The following WWOX variants were observed in gnomAD, a reference collection of about 807,000 sequenced individuals.
WWOX encodes the protein WW domain containing oxidoreductase, also known as WW domain-containing oxidoreductase.
WWOX carries 69 observed loss-of-function variants against 46.2 expected under a neutral mutation model. That is an observed-to-expected ratio of 1.49 (90% CI 1.23 to 1.82). The LOEUF (loss-of-function observed/expected upper bound fraction) is 1.82. WWOX is among the 40% of genes most tolerant of loss of function. The pLI is 0.00. For synonymous variants in WWOX, 359 were observed against 202.6 expected, an observed-to-expected ratio of 1.77 and a Z score of -6.56; for missense variants, 919 against 542.6, an observed-to-expected ratio of 1.69 and a Z score of -6.89.
intron 8 of WWOX, among the ~76,000 whole-genome samples, chr16:78,802,649 C>T (rs146446273): frequency 6.6e-6 from 1 of 151,874 alleles, no homozygotes; most frequent in Non-Finnish European, 1.5e-5. Flanking sequence ...GCCACCGTGC[C>T]TCATGCCTGT....
At chr16:78,328,590 T>A (rs1379802638) in intron 5 of WWOX, among the ~76,000 whole-genome samples, 1 of 152,272 alleles carries the variant, frequency 6.6e-6, no homozygotes, top group East Asian at 1.9e-4. Flanking sequence ...CAAAGGAGAA[T>A]AAGATAAATA....
intron 8 of WWOX, among the ~76,000 whole-genome samples, chr16:78,788,254 T>G (rs2050504759): frequency 6.6e-6 from 1 of 152,228 alleles, no homozygotes; most frequent in African/African-American, 2.4e-5. Context: ...TCCTGTGGTG[T>G]TATGATATAT....
intron 5 of WWOX, 120 bp downstream of exon 5, chr16:78,164,409 A>C: frequency 1.1e-6 from 1 of 889,138 alleles, no homozygotes; most frequent in South Asian, 1.5e-5. Context: ...CTTTATTTTT[A>C]AAGTCATCTT....
In WWOX at chr16:78,365,604, T is replaced by G. The variant is rs539090194; in HGVS notation, c.517-21256T>G. Reference sequence around the variant, plus strand: ...AATCATAGTGTTGCTTGTAATTCTTTCCACATTATGAAGTGGCTCTATAGA... The same window carrying G: ...AATCATAGTGTTGCTTGTAATTCTTGCCACATTATGAAGTGGCTCTATAGA... On this transcript the variant is annotated intron_variant, in intron 5 of 8. Transcript: ENST00000566780. Among the ~76,000 whole-genome samples the G allele has an allele frequency of 4.6e-5, 7 of 152,340 alleles. No individual in the cohort carries two copies. The East Asian group carries it at 1.4e-3, about 29-fold the overall frequency.
intron 8 of WWOX, among the ~76,000 whole-genome samples, chr16:78,488,571 G>C (rs1341783929): frequency 6.6e-6 from 1 of 152,146 alleles, no homozygotes. Flanking sequence ...CCTGGAGCCT[G>C]GGTCCTCAGG....
intron 8 of WWOX, among the ~76,000 whole-genome samples, chr16:78,983,643 T>TCGGC (rs1188118590): frequency 6.6e-6 from 1 of 152,168 alleles, no homozygotes; most frequent in East Asian, 1.9e-4. Context: ...GCCTTGTGAC[T>TCGGC]TCCAGCCAAT....
chr16:78,991,484 C>G (rs2046885435), intron 8 of WWOX, among the ~76,000 whole-genome samples: 1 of 151,318 alleles, frequency 6.6e-6, no homozygotes, highest in African/African-American at 2.4e-5. Flanking sequence ...ACCTGTAGTC[C>G]CAGCTACTCA....
chr16:79,078,973 C>A (rs1309129197), intron 8 of WWOX, among the ~76,000 whole-genome samples: 2 of 152,174 alleles, frequency 1.3e-5, no homozygotes, highest in Admixed American at 1.3e-4. Flanking sequence ...TTTTTCCCCC[C>A]AAATTTGATA....
chr16:78,400,942 C>T (rs2151943824), intron 6 of WWOX, among the ~76,000 whole-genome samples: 1 of 152,316 alleles, frequency 6.6e-6, no homozygotes, highest in South Asian at 2.1e-4. Flanking sequence ...TTCCACTCAG[C>T]CTCCTGAGTA....
At chr16:78,535,989 G>T (rs899211606) in intron 8 of WWOX, among the ~76,000 whole-genome samples, 1 of 152,168 alleles carries the variant, frequency 6.6e-6, no homozygotes, top group Non-Finnish European at 1.5e-5. Context: ...TTCAGGCAAG[G>T]TTAGTTTCGG....
At chr16:78,376,972 T>G (rs981984943) in intron 5 of WWOX, among the ~76,000 whole-genome samples, 3 of 152,194 alleles carry the variant, frequency 2.0e-5, no homozygotes, top group Non-Finnish European at 2.9e-5. Flanking sequence ...TAACCACTAT[T>G]GACTTGCGAC....
At chr16:78,277,640 A>C (rs1368975020) in intron 5 of WWOX, among the ~76,000 whole-genome samples, 1 of 152,288 alleles carries the variant, frequency 6.6e-6, no homozygotes, top group East Asian at 1.9e-4. Context: ...GTTCTCTGCA[A>C]AGACAGGCGC....
chr16:78,261,780 C>G (rs796581077), intron 5 of WWOX, among the ~76,000 whole-genome samples: 4 of 45,538 alleles, frequency 8.8e-5, no homozygotes, highest in African/African-American at 4.4e-4. Flanking sequence ...ATGTATCTAT[C>G]TATCTATCTA....
intron 8 of WWOX, among the ~76,000 whole-genome samples, chr16:78,631,804 G>T (rs189910483): frequency 1.3e-5 from 2 of 152,124 alleles, no homozygotes; most frequent in African/African-American, 4.8e-5. Flanking sequence ...GGGATTATAG[G>T]TGTGAACCAC....
At chr16:78,945,029 C>T (rs913096661) in intron 8 of WWOX, among the ~76,000 whole-genome samples, 3 of 151,872 alleles carry the variant, frequency 2.0e-5, no homozygotes, top group East Asian at 3.9e-4. Context: ...AAATATAGAA[C>T]ATTAGCTGGG....
At chr16:79,069,832 C>T (rs1454237773) in intron 8 of WWOX, among the ~76,000 whole-genome samples, 1 of 152,134 alleles carries the variant, frequency 6.6e-6, no homozygotes, top group African/African-American at 2.4e-5. Context: ...TAGTTAGTCT[C>T]AGATAAGAGC....
intron 8 of WWOX, among the ~76,000 whole-genome samples, chr16:79,159,011 A>G (rs1387514480): frequency 6.6e-6 from 1 of 152,224 alleles, no homozygotes; most frequent in Non-Finnish European, 1.5e-5. Context: ...CAGCCAACTC[A>G]AGAACAATTT....
chr16:79,028,655 G>A (rs975481538), intron 8 of WWOX, among the ~76,000 whole-genome samples: 2 of 151,492 alleles, frequency 1.3e-5, no homozygotes, highest in African/African-American at 2.4e-5. Context: ...AAACGCTTCA[G>A]TGCGTGTTTC....
chr16:78,962,331 A>ATTTTTTTTTTTT, intron 8 of WWOX, among the ~76,000 whole-genome samples: 1 of 98,752 alleles, frequency 1.0e-5, no homozygotes, highest in Admixed American at 1.1e-4. Context: ...TTTTTTAAAA[A>ATTTTTTTTTTTT]AAAAAAAAAA....
Sources: gnomAD v4.1 joint callset for allele counts (sites outside exome capture counted in the v4.1 genomes callset) on GRCh38, gnomAD v4.1.1 for gene constraint, MANE v1.5 for transcripts, NCBI Gene and HGNC (gene_info 2026-07-23, HGNC 2026-07-21) for gene names.